The following GLDC variants were observed in gnomAD, a reference collection of about 807,000 sequenced individuals.
The protein encoded by GLDC is glycine decarboxylase, also known as glycine dehydrogenase (decarboxylating), mitochondrial.
A neutral mutation model predicts 121.3 loss-of-function variants in GLDC; 104 were observed. The ratio of observed to expected loss-of-function variants is 0.86; its 90% CI spans 0.73 to 1.01. The LOEUF (loss-of-function observed/expected upper bound fraction) is 1.01. GLDC is among the 50% of genes least tolerant of loss of function. The pLI, the probability that GLDC is intolerant of heterozygous loss-of-function variation, is 0.00. For missense variants in GLDC, 1,429 were observed against 1,306.6 expected (o/e 1.09, Z -1.44); for synonymous variants, 546 against 480.6 (o/e 1.14, Z -1.78).
In GLDC at chr9:6,553,592, G is replaced by T. The variant is rs539872685; in HGVS notation, c.2316-83C>A. 1.1e-5 allele frequency: 15 copies of T among 1,380,820 alleles called. No homozygotes were observed. In the African/African-American group the frequency reaches 1.6e-4, roughly 14 times the overall value. The allele number at this position is 1,380,820 out of a possible 1,614,324, so 85.5% of individuals were successfully genotyped here. A position where few individuals can be genotyped will look rare whatever the true frequency, so the allele number is the denominator to read the frequency against. Reference sequence around the variant, plus strand: ...GGAAGGTTCTGGGCCCTCCCAGAAAGCCTTGTTCTTAGCAGAGGAGCTCTG... The same window carrying T: ...GGAAGGTTCTGGGCCCTCCCAGAAATCCTTGTTCTTAGCAGAGGAGCTCTG... On this transcript the variant is annotated intron_variant, in intron 19 of 24. Transcript: ENST00000321612.
intron 15 of GLDC, among the ~76,000 whole-genome samples, chr9:6,574,414 C>G (rs1232562136): frequency 6.6e-6 from 1 of 150,664 alleles, no homozygotes; most frequent in East Asian, 1.9e-4. Context: ...TTGCAGTGAG[C>G]TGAGATTATG....
chr9:6,545,563 T>G (rs1452364918), intron 21 of GLDC, among the ~76,000 whole-genome samples: 1 of 152,222 alleles, frequency 6.6e-6, no homozygotes, highest in Non-Finnish European at 1.5e-5. Flanking sequence ...ATAGACTTTG[T>G]GAACGCTGTA....
chr9:6,612,587 G>A (rs1025354909), intron 3 of GLDC, among the ~76,000 whole-genome samples: 32 of 151,972 alleles, frequency 2.1e-4, no homozygotes, highest in African/African-American at 7.0e-4. Context: ...CAGGCCAGGC[G>A]CAGTGGCTCA....
rs386833544 is a variant in GLDC, at chr9:6,556,159, A to G, written c.2196T>C (p.Asn732=). 1.2e-6 allele frequency: 2 copies of G among 1,612,038 alleles called. No individual in the cohort carries two copies. The highest frequency in any genetic ancestry group is 8.5e-7 in the Non-Finnish European group (1 of 1,179,008). Residue 732 remains asparagine, a synonymous_variant, in exon 18 of 25, where the codon AAT becomes AAC. Coordinates refer to ENST00000321612, the MANE Select transcript of GLDC (RefSeq NM_000170.3). The part of the protein sequence containing the change: ...GQVYLDGANM[N]AQVGICRPGD... Reference sequence around the variant, plus strand: ...GGGCCTCTTCAGTTCCCACCTGAGCATTCATATTTGCCCCGTCTAGGTAGA... The same window carrying G: ...GGGCCTCTTCAGTTCCCACCTGAGCGTTCATATTTGCCCCGTCTAGGTAGA...
At chr9:6,568,713 G>C (rs907175842) in intron 15 of GLDC, 1 of 152,218 alleles carries the variant, frequency 6.6e-6, no homozygotes, top group African/African-American at 2.4e-5. Flanking sequence ...GCCGGGCGTG[G>C]TGGTGCATGC....
At chr9:6,536,014 C>CA (rs1476243679) in intron 23 of GLDC, 50 bp downstream of exon 23, 2 of 1,489,872 alleles carry the variant, frequency 1.3e-6, no homozygotes, top group South Asian at 2.3e-5. Context: ...GTCCAGACAT[C>CA]ATTTTCTAGT....
chr9:6,533,456 T>C (rs915272263), intron 24 of GLDC, among the ~76,000 whole-genome samples: 1 of 152,236 alleles, frequency 6.6e-6, no homozygotes, highest in African/African-American at 2.4e-5. Context: ...GGAATCTATG[T>C]TTATCTGCCC....
In GLDC at chr9:6,533,063, T is replaced by A; in HGVS notation, c.3017A>T (p.Glu1006Val). 1 of 1,612,126 alleles carries A rather than the reference T, an allele frequency of 6.2e-7. No homozygotes were observed. Among genetic ancestry groups the A allele is most frequent in the Non-Finnish European group, 8.5e-7 (1 of 1,178,206 alleles). Residue 1006 changes from glutamate to valine, a missense_variant, in exon 25 of 25, where the codon GAA becomes GTA. Physicochemically the swap from Glu to Val is moderately radical, Grantham distance 121 (BLOSUM62 -2). Transcript: ENST00000321612. ...QHLVCTCPPM[E>V]VYESPFSEQK... ...TTCAGAAAATGGAGACTCATAAACT[T>A]CCATGGGTGGGCAGGTACAAACCAG...
chr9:6,560,755 G>T (rs372583967), intron 16 of GLDC, among the ~76,000 whole-genome samples: 1 of 152,182 alleles, frequency 6.6e-6, no homozygotes, highest in African/African-American at 2.4e-5. Context: ...TGAATAACGG[G>T]CTCCCAAAGA....
chr9:6,535,106 A>C lies in GLDC; in HGVS notation c.2839-318T>G, dbSNP rs1213448231. ...CATCCCAGTGCTAACCACTCTTCTG[A>C]ATTCGGTGTTTACCATTCTCATCAT... On this transcript the variant is annotated intron_variant, in intron 23 of 24. Coordinates refer to ENST00000321612, the MANE Select transcript of GLDC (RefSeq NM_000170.3). 2.6e-5 allele frequency among the ~76,000 whole-genome samples: 4 copies of C among 152,206 alleles called. No homozygotes were observed. In the East Asian group the frequency reaches 7.7e-4, roughly 29 times the overall value.
intron 2 of GLDC, among the ~76,000 whole-genome samples, chr9:6,623,915 C>T (rs1185498545): frequency 6.6e-6 from 1 of 152,240 alleles, no homozygotes; most frequent in African/African-American, 2.4e-5. Flanking sequence ...ATTAGCAGTG[C>T]CTTGTAGGCG....
At chr9:6,620,942 C>CG (rs1277290985) in intron 2 of GLDC, among the ~76,000 whole-genome samples, 1 of 151,998 alleles carries the variant, frequency 6.6e-6, no homozygotes, top group Non-Finnish European at 1.5e-5. Context: ...CTGAGGTGGG[C>CG]GGATCACCTG....
intron 2 of GLDC, among the ~76,000 whole-genome samples, chr9:6,620,658 A>C (rs1819073571): frequency 6.6e-6 from 1 of 152,326 alleles, no homozygotes; most frequent in African/African-American, 2.4e-5. Context: ...ACGCTAAATA[A>C]AAATTCTGTC....
chr9:6,573,763 C>T (rs1489277414), intron 15 of GLDC, among the ~76,000 whole-genome samples: 1 of 152,262 alleles, frequency 6.6e-6, no homozygotes, highest in Non-Finnish European at 1.5e-5. Context: ...TAAAGTGATC[C>T]TAACAACCAC....
intron 2 of GLDC, among the ~76,000 whole-genome samples, chr9:6,635,528 A>G (rs1819483820): frequency 6.6e-6 from 1 of 152,148 alleles, no homozygotes; most frequent in Admixed American, 6.6e-5. Context: ...TTATAGTCAT[A>G]CCGCTGCACT....
At chr9:6,564,844 C>T (rs1454969334) in intron 16 of GLDC, among the ~76,000 whole-genome samples, 3 of 152,234 alleles carry the variant, frequency 2.0e-5, no homozygotes, top group African/African-American at 2.4e-5. Flanking sequence ...GAAGCAGGAC[C>T]GTGAACTCTG....
chr9:6,589,865 G>A (rs559191407), intron 11 of GLDC, among the ~76,000 whole-genome samples: 8 of 152,246 alleles, frequency 5.3e-5, no homozygotes, highest in Admixed American at 2.0e-4. Context: ...GGCCATCCTG[G>A]CTCACATGGT....
At chr9:6,613,848 C>T (rs898917185) in intron 3 of GLDC, among the ~76,000 whole-genome samples, 1 of 152,046 alleles carries the variant, frequency 6.6e-6, no homozygotes. Flanking sequence ...ACGATCTCGG[C>T]CCAGTGCAAC....
intron 15 of GLDC, among the ~76,000 whole-genome samples, chr9:6,586,626 C>G (rs1180501746): frequency 6.6e-6 from 1 of 152,182 alleles, no homozygotes; most frequent in African/African-American, 2.4e-5. Flanking sequence ...GTGTCACTGA[C>G]AGGTGTAGTA....
Sources: allele counts gnomAD v4.1 joint callset (sites outside exome capture counted in the v4.1 genomes callset), GRCh38; gene constraint gnomAD v4.1.1; transcripts MANE v1.5; gene names NCBI Gene and HGNC (gene_info 2026-07-23, HGNC 2026-07-21).